Variants in CYRIB observed in about 807,000 individuals in gnomAD.
The protein encoded by CYRIB is CYFIP related Rac1 interactor B.
A neutral mutation model predicts 44.2 loss-of-function variants in CYRIB; 8 were observed. The ratio of observed to expected loss-of-function variants is 0.18; its 90% CI spans 0.11 to 0.33. The LOEUF is 0.33. Ranked by LOEUF, CYRIB falls within the 10% of genes least tolerant of loss-of-function variation. The pLI, the probability that CYRIB is intolerant of heterozygous loss-of-function variation, is 1.00. For missense variants in CYRIB, 185 were observed against 382.8 expected (o/e 0.48, Z 4.31); for synonymous variants, 131 against 127.2 (o/e 1.03, Z -0.20).
rs554362551 is a variant in CYRIB at position 129,907,202 on chromosome 8, A to G, written c.-49-3852T>C. ...ATAGCAAAGACTTGGAACCAACCCA[A>G]ATGTCCAACGATAGACTTGATTAAG... On this transcript the variant is annotated intron_variant, in intron 1 of 11. Coordinates refer to ENST00000519824, the Ensembl canonical transcript of CYRIB. 2.9e-4 allele frequency among the ~76,000 whole-genome samples: 44 copies of G among 152,328 alleles called. No homozygotes were observed. In the South Asian group the frequency reaches 4.8e-3, roughly 17 times the overall value.
At chr8:129,959,974 G>A (rs2095141739) in intron 2 of CYRIB, among the ~76,000 whole-genome samples, 1 of 152,210 alleles carries the variant, frequency 6.6e-6, no homozygotes, top group South Asian at 2.1e-4. Flanking sequence ...ACAGAGCTGG[G>A]AGGATCTTAA....
intron 2 of CYRIB, among the ~76,000 whole-genome samples, chr8:129,951,779 A>G (rs556677130): frequency 8.6e-4 from 131 of 151,978 alleles, no homozygotes; most frequent in Admixed American, 2.3e-3. Context: ...ATCTTCTTTC[A>G]CCCTACTCTT....
intron 2 of CYRIB, among the ~76,000 whole-genome samples, chr8:129,959,367 ATATT>A (rs1407131194): frequency 6.6e-6 from 1 of 152,130 alleles, no homozygotes; most frequent in African/African-American, 2.4e-5. Flanking sequence ...CAAACTGGAA[ATATT>A]TATTTATTTG....
At chr8:129,885,843 A>T (rs1488629116) in intron 2 of CYRIB, among the ~76,000 whole-genome samples, 1 of 148,124 alleles carries the variant, frequency 6.8e-6, no homozygotes, top group Non-Finnish European at 1.5e-5. Flanking sequence ...ATGATCTCTT[A>T]AAAAAAAAAG....
At chr8:129,911,814 A>G (rs78324581) in intron 1 of CYRIB, among the ~76,000 whole-genome samples, 2,612 of 152,318 alleles carry the variant, frequency 0.017, 86 homozygotes, top group African/African-American at 0.059. Context: ...TTACTTCTGG[A>G]TCTCCTGGTT....
intron 1 of CYRIB, among the ~76,000 whole-genome samples, chr8:130,012,612 C>A (rs570608132): frequency 2.6e-4 from 39 of 152,184 alleles, no homozygotes; most frequent in Non-Finnish European, 4.6e-4. Context: ...CAGGTGGCGA[C>A]TGTTAGTCCT....
At chr8:129,950,613 A>T (rs1438512619) in intron 2 of CYRIB, among the ~76,000 whole-genome samples, 1 of 152,072 alleles carries the variant, frequency 6.6e-6, no homozygotes, top group Non-Finnish European at 1.5e-5. Context: ...TCATTGTCAG[A>T]TGTAAATTAT....
At chr8:129,994,756 G>A (rs903233006) in intron 1 of CYRIB, among the ~76,000 whole-genome samples, 8 of 152,236 alleles carry the variant, frequency 5.3e-5, no homozygotes, top group Non-Finnish European at 1.0e-4. Context: ...GAGAAAATAT[G>A]AGAAACTCCC....
chr8:129,983,141 T>G (rs2096305713), intron 1 of CYRIB, among the ~76,000 whole-genome samples: 1 of 152,056 alleles, frequency 6.6e-6, no homozygotes, highest in Non-Finnish European at 1.5e-5. Flanking sequence ...AGACGCTCTC[T>G]CTATTAAAAA....
chr8:129,966,224 G>A (rs746449595), intron 2 of CYRIB, among the ~76,000 whole-genome samples: 9 of 152,182 alleles, frequency 5.9e-5, no homozygotes, highest in Non-Finnish European at 1.0e-4. Flanking sequence ...ATGCTGCAAT[G>A]AGTATATGTT....
At chr8:129,863,967 A>G (rs1049337444) in intron 4 of CYRIB, among the ~76,000 whole-genome samples, 2 of 152,238 alleles carry the variant, frequency 1.3e-5, no homozygotes, top group African/African-American at 4.8e-5. Flanking sequence ...ACATGTCTCA[A>G]TACTCCCAAG....
intron 1 of CYRIB, among the ~76,000 whole-genome samples, chr8:129,928,002 G>C (rs978454679): frequency 2.6e-5 from 4 of 151,832 alleles, no homozygotes; most frequent in Non-Finnish European, 4.4e-5. Flanking sequence ...ATGGATCATA[G>C]ACCTAAATGC....
chr8:129,996,633 G>A (rs1228472225), intron 1 of CYRIB, among the ~76,000 whole-genome samples: 1 of 152,096 alleles, frequency 6.6e-6, no homozygotes, highest in African/African-American at 2.4e-5. Context: ...CAATATTACT[G>A]CTAGTAAACT....
chr8:129,987,488 T>C (rs1300890850), intron 1 of CYRIB, among the ~76,000 whole-genome samples: 1 of 151,470 alleles, frequency 6.6e-6, no homozygotes, highest in Non-Finnish European at 1.5e-5. Context: ...ACCATCCCTC[T>C]CTCATTGTGG....
chr8:129,893,887 C>A (rs557375985), intron 2 of CYRIB, among the ~76,000 whole-genome samples: 110 of 150,630 alleles, frequency 7.3e-4, no homozygotes, highest in Non-Finnish European at 1.3e-3. Flanking sequence ...AGATTTTTTA[C>A]TCCAAAGGTA....
chr8:129,927,508 C>T (rs183715653), intron 1 of CYRIB, among the ~76,000 whole-genome samples: 9 of 152,234 alleles, frequency 5.9e-5, no homozygotes, highest in Middle Eastern at 3.4e-3. Context: ...TAAATGTATT[C>T]ACTCAAAAAA....
rs143181295 is a variant in CYRIB, at chr8:129,889,307, A to C, written c.-10-9836T>G. Among the ~76,000 whole-genome samples the C allele has an allele frequency of 6.6e-5, 10 of 152,360 alleles. No individual in the cohort carries two copies. In the East Asian group the frequency reaches 1.7e-3, roughly 26 times the overall value. Reference sequence around the variant, plus strand: ...CACTGATAATGCACCTAGTCAATCAAGAACTCTAATGGAAATGTGTAAGGA... The same window carrying C: ...CACTGATAATGCACCTAGTCAATCACGAACTCTAATGGAAATGTGTAAGGA... On this transcript the variant is annotated intron_variant, in intron 2 of 11. Coordinates refer to ENST00000519824, the Ensembl canonical transcript of CYRIB.
intron 1 of CYRIB, among the ~76,000 whole-genome samples, chr8:129,981,288 T>C (rs1246406786): frequency 6.6e-6 from 1 of 152,136 alleles, no homozygotes; most frequent in Non-Finnish European, 1.5e-5. Context: ...TACAGGCACA[T>C]GCCACCACGC....
chr8:129,855,458 C>A, intron 6 of CYRIB, 153 bp downstream of exon 8: 1 of 715,240 alleles, frequency 1.4e-6, no homozygotes, highest in South Asian at 2.3e-5. Context: ...TCAAAAGACC[C>A]GTCATTAATT....
Sources: allele counts gnomAD v4.1 joint callset (sites outside exome capture counted in the v4.1 genomes callset), GRCh38; gene constraint gnomAD v4.1.1; transcripts MANE v1.5; gene names NCBI Gene and HGNC (gene_info 2026-07-23, HGNC 2026-07-21).